CATSPER3: variants seen among roughly 807,000 people sequenced by gnomAD.
CATSPER3 encodes the protein cation channel sperm-associated protein 3.
A neutral mutation model predicts 36.6 loss-of-function variants in CATSPER3; 23 were observed. The ratio of observed to expected loss-of-function variants is 0.63; its 90% CI spans 0.45 to 0.89. CATSPER3 has a LOEUF of 0.89. CATSPER3 is among the 40% of genes least tolerant of loss of function. The probability of loss-of-function intolerance (pLI) is 0.00; values close to 1 mark genes in which losing one functional copy is unlikely to be tolerated. For synonymous variants in CATSPER3, 172 were observed against 184.1 expected (o/e 0.93, Z 0.53); for missense variants, 474 against 503.9 (o/e 0.94, Z 0.57).
At chr5:134,970,198 C>CT in intron 2 of CATSPER3, 106 bp downstream of exon 2, 1 of 1,133,650 alleles carries the variant, frequency 8.8e-7, no homozygotes, top group Non-Finnish European at 1.3e-6. Flanking sequence ...CTCACTCTGT[C>CT]AGGCTGGAGT....
At chr5:135,001,838 T>C (rs1255906438) in intron 3 of CATSPER3, among the ~76,000 whole-genome samples, 2 of 152,236 alleles carry the variant, frequency 1.3e-5, no homozygotes, top group African/African-American at 4.8e-5. Context: ...CATCCCTTTA[T>C]TTTGAGCCTA....
chr5:135,002,858 TC>T (rs1299907197), intron 3 of CATSPER3, among the ~76,000 whole-genome samples: 1 of 152,206 alleles, frequency 6.6e-6, no homozygotes, highest in Non-Finnish European at 1.5e-5. Context: ...ATTTGTCTAA[TC>T]TTTTTTCAAG....
intron 3 of CATSPER3, among the ~76,000 whole-genome samples, chr5:134,998,663 A>G (rs902730016): frequency 6.6e-6 from 1 of 152,170 alleles, no homozygotes; most frequent in Non-Finnish European, 1.5e-5. Context: ...CATTTCTCTG[A>G]TGGCCAGTGA....
intron 2 of CATSPER3, among the ~76,000 whole-genome samples, chr5:134,987,782 TAGAA>T (rs1204209364): frequency 1.3e-5 from 2 of 152,070 alleles, no homozygotes; most frequent in Non-Finnish European, 2.9e-5. Context: ...AAACTACAAA[TAGAA>T]AGGAAATTCC....
At chr5:134,970,972 C>T (rs1459566188) in intron 2 of CATSPER3, among the ~76,000 whole-genome samples, 1 of 151,728 alleles carries the variant, frequency 6.6e-6, no homozygotes, top group Non-Finnish European at 1.5e-5. Context: ...TGTTTTGAGA[C>T]GAAGTCTCGC....
chr5:135,006,237 G>A (rs1752084480), intron 3 of CATSPER3, among the ~76,000 whole-genome samples: 2 of 152,192 alleles, frequency 1.3e-5, no homozygotes, highest in Admixed American at 1.3e-4. Context: ...GCTGTCATGG[G>A]TCCTTTATGG....
intron 3 of CATSPER3, among the ~76,000 whole-genome samples, chr5:135,005,649 C>T (rs946510825): frequency 2.0e-5 from 3 of 152,246 alleles, no homozygotes; most frequent in African/African-American, 4.8e-5. Context: ...CCAGAGATGG[C>T]GCTCTGGCGC....
At chr5:135,008,757 G>A (rs932244585) in intron 4 of CATSPER3, 84 bp from the exon 5 acceptor site, 1 of 1,227,866 alleles carries the variant, frequency 8.1e-7, no homozygotes, top group Non-Finnish European at 1.2e-6. Flanking sequence ...TCCTCAGTGG[G>A]CCTGGGACTC....
intron 3 of CATSPER3, 26 bp downstream of exon 3, chr5:134,996,538 G>A (rs376972993): frequency 1.9e-5 from 30 of 1,612,012 alleles, no homozygotes; most frequent in Non-Finnish European, 2.5e-5. Flanking sequence ...GTGTCATGGT[G>A]CTGGGAGGGC....
At chr5:135,002,296 T>C (rs1361414686) in intron 3 of CATSPER3, among the ~76,000 whole-genome samples, 1 of 152,218 alleles carries the variant, frequency 6.6e-6, no homozygotes, top group Non-Finnish European at 1.5e-5. Flanking sequence ...TGGCCCCCAC[T>C]CTCTTCTGGC....
intron 2 of CATSPER3, among the ~76,000 whole-genome samples, chr5:134,979,288 C>T (rs1428180692): frequency 1.3e-5 from 2 of 152,156 alleles, no homozygotes; most frequent in African/African-American, 4.8e-5. Flanking sequence ...AGGCATGCAC[C>T]ATCATGCCCA....
chr5:134,986,352 C>G (rs112753059), intron 2 of CATSPER3, among the ~76,000 whole-genome samples: 2,969 of 152,012 alleles, frequency 0.02, 45 homozygotes, highest in Middle Eastern at 0.041. Flanking sequence ...CCATGTTGGT[C>G]AGGCTGGTCT....
chr5:135,005,696 A>G (rs1206839144), intron 3 of CATSPER3, among the ~76,000 whole-genome samples: 1 of 152,186 alleles, frequency 6.6e-6, no homozygotes, highest in Non-Finnish European at 1.5e-5. Flanking sequence ...TTAAAATGAC[A>G]CTCTGCCTTC....
chr5:135,008,913 A>T lies in CATSPER3; in HGVS notation c.748A>T (p.Ile250Phe). The change falls in exon 5 of 8, where the codon ATC (isoleucine) becomes TTC (phenylalanine). Residue 250 changes from isoleucine to phenylalanine, a missense_variant. Transcript: ENST00000282611. ...TGCTTTGAGCCGGGCATTCACCATC[A>T]TCTTCATCTTGCTCGCCTCTTTCAT... is the stretch of plus-strand genomic sequence containing the variant. ...EFALSRAFTI[I>F]FILLASFIFL... 1 of 1,614,032 alleles carries T rather than the reference A, an allele frequency of 6.2e-7. No homozygotes were observed. Among genetic ancestry groups the T allele is most frequent in the Non-Finnish European group, 8.5e-7 (1 of 1,179,958 alleles).
chr5:135,002,467 C>T (rs1227761476), intron 3 of CATSPER3, among the ~76,000 whole-genome samples: 4 of 152,148 alleles, frequency 2.6e-5, no homozygotes, highest in African/African-American at 9.7e-5. Flanking sequence ...CGAGGAGTAT[C>T]TTTGTGGTGT....
intron 2 of CATSPER3, among the ~76,000 whole-genome samples, chr5:134,970,491 G>T (rs1413614367): frequency 6.6e-6 from 1 of 151,410 alleles, no homozygotes; most frequent in Non-Finnish European, 1.5e-5. Flanking sequence ...TTTGCTTCAA[G>T]AAATTTTCTG....
intron 2 of CATSPER3, chr5:134,995,702 G>A: frequency 5.7e-6 from 1 of 175,130 alleles, no homozygotes; most frequent in Non-Finnish European, 1.2e-5. Context: ...GTCAAGATAA[G>A]TCCATTTTGA....
chr5:135,008,956 TG>T lies in CATSPER3; in HGVS notation c.794del (p.Gly265ValfsTer2). 1 of 1,613,938 alleles carries T rather than the reference TG, an allele frequency of 6.2e-7. No individual in the cohort carries two copies. Among genetic ancestry groups the T allele is most frequent in the Non-Finnish European group, 8.5e-7 (1 of 1,179,882 alleles). On this transcript the variant is annotated frameshift_variant, in exon 5 of 8. Coordinates refer to ENST00000282611, the MANE Select transcript of CATSPER3 (RefSeq NM_178019.3). LOFTEE classifies it high-confidence loss of function. Reference protein sequence around the residue: ...LASFIFLNMFVGVMIMHTEDS... With the variant: ...LASFIFLNMFXGVMIMHTEDS... ...TCTTTCATCTTCCTCAACATGTTCGTGGGTGTGATGATCATGCACACAGAGG... is the reference window on the plus strand; with the variant it reads ...TCTTTCATCTTCCTCAACATGTTCGTGGTGTGATGATCATGCACACAGAGG...
chr5:134,999,286 T>C (rs1751991455), intron 3 of CATSPER3, among the ~76,000 whole-genome samples: 1 of 152,258 alleles, frequency 6.6e-6, no homozygotes, highest in Admixed American at 6.5e-5. Flanking sequence ...TCTGTTTTGG[T>C]ACCAGTACCA....
Sources: gnomAD v4.1 joint callset for allele counts (sites outside exome capture counted in the v4.1 genomes callset) on GRCh38, gnomAD v4.1.1 for gene constraint, MANE v1.5 for transcripts, NCBI Gene and HGNC (gene_info 2026-07-23, HGNC 2026-07-21) for gene names.